ABCA13: variants seen among roughly 807,000 people sequenced by gnomAD.
The protein encoded by ABCA13 is ATP binding cassette subfamily A member 13.
A neutral mutation model predicts 478.7 loss-of-function variants in ABCA13; 476 were observed. The ratio of observed to expected loss-of-function variants is 0.99; its 90% CI spans 0.92 to 1.07. The LOEUF (loss-of-function observed/expected upper bound fraction) is 1.07. Ranked by LOEUF, ABCA13 falls within the 50% of genes least tolerant of loss-of-function variation. ABCA13 has a pLI of 0.00. For synonymous variants in ABCA13, 2,252 were observed against 2,158.9 expected (o/e 1.04, Z -1.20); for missense variants, 6,060 against 5,910.6 (o/e 1.03, Z -0.83).
At chr7:48,466,753 C>G (rs1317227033) in intron 43 of ABCA13, among the ~76,000 whole-genome samples, 1 of 152,116 alleles carries the variant, frequency 6.6e-6, no homozygotes, top group Non-Finnish European at 1.5e-5. Context: ...CAAAACTATA[C>G]TTGTAATAAA....
chr7:48,391,837 G>A (rs1816105848), intron 37 of ABCA13, 84 bp from the exon 38 acceptor site: 2 of 1,315,982 alleles, frequency 1.5e-6, no homozygotes, highest in African/African-American at 1.5e-5. Context: ...CAGGATGCAT[G>A]CGCCATCCTG....
chr7:48,352,538 G>T, intron 31 of ABCA13, 51 bp downstream of exon 31: 2 of 1,476,932 alleles, frequency 1.4e-6, no homozygotes, highest in South Asian at 1.4e-5. Flanking sequence ...CCTTGCATTT[G>T]TCTAGCTGAG....
intron 29 of ABCA13, among the ~76,000 whole-genome samples, chr7:48,346,723 T>C (rs1563093514): frequency 1.3e-5 from 2 of 152,198 alleles, no homozygotes; most frequent in Admixed American, 6.5e-5. Flanking sequence ...CACAGCAATT[T>C]CATGGGTAAT....
At chr7:48,249,169 C>A in intron 14 of ABCA13, 43 bp from the exon 15 acceptor site, 1 of 1,552,796 alleles carries the variant, frequency 6.4e-7, no homozygotes, top group South Asian at 1.2e-5. Context: ...TCTGCAAGAT[C>A]ATTTTTAAAT....
At chr7:48,385,500 T>C (rs1815044740) in intron 35 of ABCA13, among the ~76,000 whole-genome samples, 1 of 152,248 alleles carries the variant, frequency 6.6e-6, no homozygotes, top group Non-Finnish European at 1.5e-5. Flanking sequence ...TTCCTTTTTA[T>C]GGCTGCATAG....
intron 45 of ABCA13, among the ~76,000 whole-genome samples, chr7:48,479,184 T>C (rs1828489158): frequency 6.6e-6 from 1 of 151,952 alleles, no homozygotes; most frequent in Non-Finnish European, 1.5e-5. Flanking sequence ...TCTCCTGACC[T>C]CGTGATCTGC....
chr7:48,483,005 A>C (rs1828928726), intron 46 of ABCA13, 71 bp from the exon 47 acceptor site: 1 of 1,305,338 alleles, frequency 7.7e-7, no homozygotes, highest in Non-Finnish European at 1.1e-6. Flanking sequence ...GGGGTTAGTA[A>C]TGAATACCCT....
At position 48,274,512 on chromosome 7, in the gene ABCA13, C is replaced by T. The variant is rs200426734; in HGVS notation, c.4846C>T (p.Pro1616Ser). ...FSLSHDLQNS[P>S]KIIISPEIMK... ...CTTATCTCATGACCTCCAAAATTCA[C>T]CAAAAATAATAATTTCACCTGAAAT... Residue 1616 changes from proline to serine, a missense_variant, in exon 17 of 62, where the codon CCA becomes TCA. This residue lies in a region of ABCA13 where 4,423 missense variants were observed against 4,309.1 expected (regional missense o/e 1.03). Transcript: ENST00000435803. 471 of 1,613,684 alleles carry T rather than the reference C, an allele frequency of 2.9e-4. No homozygotes were observed. Among genetic ancestry groups the T allele is most frequent in the Non-Finnish European group, 3.7e-4 (433 of 1,179,836 alleles).
chr7:48,466,487 A>T (rs981072568), intron 43 of ABCA13, among the ~76,000 whole-genome samples: 1 of 152,236 alleles, frequency 6.6e-6, no homozygotes, highest in African/African-American at 2.4e-5. Context: ...ACCAAATGAT[A>T]TTTCTTACAT....
intron 27 of ABCA13, among the ~76,000 whole-genome samples, chr7:48,333,161 T>G (rs1805672204): frequency 6.6e-6 from 1 of 152,204 alleles, no homozygotes; most frequent in Admixed American, 6.5e-5. Flanking sequence ...TTGCACAGAT[T>G]GGGTACCACA....
At chr7:48,608,921 C>T (rs190700884) in intron 58 of ABCA13, among the ~76,000 whole-genome samples, 1 of 152,224 alleles carries the variant, frequency 6.6e-6, no homozygotes, top group East Asian at 1.9e-4. Flanking sequence ...CTTCATTTGA[C>T]CCTAGTTGGA....
At chr7:48,312,083 C>G (rs1801864785) in intron 24 of ABCA13, among the ~76,000 whole-genome samples, 1 of 152,158 alleles carries the variant, frequency 6.6e-6, no homozygotes, top group South Asian at 2.1e-4. Flanking sequence ...TATGAATGGA[C>G]AGAATTCTGT....
intron 5 of ABCA13, among the ~76,000 whole-genome samples, chr7:48,224,598 T>C (rs887605969): frequency 5.9e-5 from 9 of 152,150 alleles, no homozygotes; most frequent in African/African-American, 2.2e-4. Context: ...CAATATGTTG[T>C]TTTTTTACCT....
intron 58 of ABCA13, among the ~76,000 whole-genome samples, chr7:48,605,777 A>C (rs900238235): frequency 1.3e-5 from 2 of 152,098 alleles, no homozygotes; most frequent in Admixed American, 1.3e-4. Flanking sequence ...AGGTTTGTGA[A>C]GTTCTCCTGG....
chr7:48,296,597 C>A (rs1205174929), intron 21 of ABCA13, among the ~76,000 whole-genome samples: 1 of 151,786 alleles, frequency 6.6e-6, no homozygotes, highest in African/African-American at 2.4e-5. Flanking sequence ...GTAGCTGGGA[C>A]TACAGGCACC....
At chr7:48,586,713 C>T (rs1005390895) in intron 56 of ABCA13, among the ~76,000 whole-genome samples, 2 of 152,146 alleles carry the variant, frequency 1.3e-5, no homozygotes, top group Non-Finnish European at 2.9e-5. Context: ...TGCACATAGA[C>T]TCCCTGAATC....
chr7:48,371,465 G>A (rs1377580845), intron 32 of ABCA13, among the ~76,000 whole-genome samples: 1 of 152,106 alleles, frequency 6.6e-6, no homozygotes, highest in East Asian at 1.9e-4. Context: ...CTTGAGCAGT[G>A]GTTTGTAGTT....
At position 48,481,052 on chromosome 7, in the gene ABCA13, G is replaced by A. The variant is rs750031554; in HGVS notation, c.12992G>A (p.Ser4331Asn). Residue 4331 changes from serine to asparagine, a missense_variant, in exon 46 of 62, where the codon AGT becomes AAT. Coordinates refer to ENST00000435803, the MANE Select transcript of ABCA13 (RefSeq NM_152701.5). ...SCGCLKCPNRSASAPYLTNHL... is the reference protein window; with the variant it reads ...SCGCLKCPNRNASAPYLTNHL... ...CAATTTCAGAAGTGTCCAAATAGAA[G>A]TGCTAGTGCTCCCTACCTGACCAAC... 3.8e-6 allele frequency: 6 copies of A among 1,595,944 alleles called. No individual in the cohort carries two copies. The East Asian group carries it at 1.4e-4, about 36-fold the overall frequency.
chr7:48,356,360 A>ACTT (rs563576487), intron 31 of ABCA13, among the ~76,000 whole-genome samples: 1 of 151,192 alleles, frequency 6.6e-6, no homozygotes, highest in Non-Finnish European at 1.5e-5. Context: ...ATGGGAGGTG[A>ACTT]CTTCTTCTTC....
Sources: allele counts gnomAD v4.1 joint callset (sites outside exome capture counted in the v4.1 genomes callset), GRCh38; gene constraint gnomAD v4.1.1; regional missense constraint gnomAD v4.1.1; transcripts MANE v1.5; gene names NCBI Gene and HGNC (gene_info 2026-07-23, HGNC 2026-07-21).